Variants in NPAS3 observed in about 807,000 individuals in gnomAD.
The protein encoded by NPAS3 is neuronal PAS domain protein 3, also known as neuronal PAS domain-containing protein 3.
In NPAS3, 14 loss-of-function variants were observed where a neutral mutation model predicts 73.1. The observed-to-expected ratio is 0.19, with a 90% CI of 0.13 to 0.30. NPAS3 has a LOEUF of 0.30. NPAS3 is among the 10% of genes least tolerant of loss of function. The pLI is 1.00. For synonymous variants in NPAS3, 620 were observed against 541.5 expected (o/e 1.14, Z -2.01); for missense variants, 1,096 against 1,250.0 (o/e 0.88, Z 1.86).
chr14:33,372,555 G>A (rs12433353), intron 4 of NPAS3, among the ~76,000 whole-genome samples: 120 of 152,100 alleles, frequency 7.9e-4, no homozygotes, highest in Middle Eastern at 3.4e-3. Context: ...CTCTGGGGCC[G>A]CCATTCACAA....
chr14:33,766,830 A>AC (rs1231831452), intron 7 of NPAS3, among the ~76,000 whole-genome samples: 1 of 151,602 alleles, frequency 6.6e-6, no homozygotes, highest in Non-Finnish European at 1.5e-5. Flanking sequence ...CTGCATTGTC[A>AC]CCCCCTCCCT....
At chr14:33,642,199 A>T (rs1035534863) in intron 5 of NPAS3, among the ~76,000 whole-genome samples, 1 of 152,130 alleles carries the variant, frequency 6.6e-6, no homozygotes, top group East Asian at 1.9e-4. Flanking sequence ...TTCTTTTCAC[A>T]TCATCCTTTT....
chr14:33,324,386 C>G (rs1364869298), intron 3 of NPAS3, among the ~76,000 whole-genome samples: 1 of 152,144 alleles, frequency 6.6e-6, no homozygotes, highest in Non-Finnish European at 1.5e-5. Context: ...ATAGCAATAA[C>G]AAAGTCTTAT....
chr14:33,611,530 A>G (rs977024133), intron 5 of NPAS3, among the ~76,000 whole-genome samples: 1 of 148,720 alleles, frequency 6.7e-6, no homozygotes, highest in African/African-American at 2.5e-5. Flanking sequence ...ATGAAAGGGG[A>G]GTCTTACCTC....
chr14:33,269,368 T>A (rs940062397), intron 3 of NPAS3, among the ~76,000 whole-genome samples: 4 of 152,164 alleles, frequency 2.6e-5, no homozygotes, highest in African/African-American at 9.7e-5. Context: ...TATGTACTTA[T>A]CTTTCCCAAC....
At chr14:33,320,843 T>G (rs1250445446) in intron 3 of NPAS3, among the ~76,000 whole-genome samples, 1 of 152,138 alleles carries the variant, frequency 6.6e-6, no homozygotes, top group African/African-American at 2.4e-5. Flanking sequence ...TAATTCATTG[T>G]TTAGTGGTGG....
At chr14:33,284,629 C>T (rs531026124) in intron 3 of NPAS3, among the ~76,000 whole-genome samples, 1 of 152,006 alleles carries the variant, frequency 6.6e-6, no homozygotes, top group African/African-American at 2.4e-5. Flanking sequence ...GATTTTTTTT[C>T]TCCAAATAAT....
At chr14:33,547,832 G>A (rs2054917605) in intron 4 of NPAS3, among the ~76,000 whole-genome samples, 1 of 152,148 alleles carries the variant, frequency 6.6e-6, no homozygotes, top group South Asian at 2.1e-4. Context: ...TCTAAGTTAG[G>A]TCTAAGCAAC....
At chr14:33,529,022 T>C (rs758319702) in intron 4 of NPAS3, among the ~76,000 whole-genome samples, 8 of 152,078 alleles carry the variant, frequency 5.3e-5, no homozygotes, top group Non-Finnish European at 1.2e-4. Context: ...TCTCCCTCTA[T>C]CCAGTCTCCC....
At chr14:33,686,919 T>C (rs2140388481) in intron 6 of NPAS3, among the ~76,000 whole-genome samples, 1 of 152,326 alleles carries the variant, frequency 6.6e-6, no homozygotes, top group Non-Finnish European at 1.5e-5. Flanking sequence ...CATTTATTTT[T>C]ATAAAAATGT....
intron 4 of NPAS3, among the ~76,000 whole-genome samples, chr14:33,411,375 G>T (rs538311182): frequency 6.6e-6 from 1 of 151,444 alleles, no homozygotes; most frequent in Non-Finnish European, 1.5e-5. Context: ...TAGAGACAGG[G>T]TTTCGCCATG....
intron 1 of NPAS3, among the ~76,000 whole-genome samples, chr14:33,026,133 T>G (rs1268653066): frequency 6.6e-6 from 1 of 152,178 alleles, no homozygotes; most frequent in East Asian, 1.9e-4. Context: ...GAGGCATATG[T>G]CAAATTCAAA....
intron 4 of NPAS3, among the ~76,000 whole-genome samples, chr14:33,432,689 T>C (rs1168638464): frequency 2.0e-5 from 3 of 152,142 alleles, no homozygotes; most frequent in African/African-American, 7.2e-5. Flanking sequence ...CCAAAAGCCA[T>C]TTATGATTGA....
In NPAS3 at chr14:33,403,795, G is replaced by C. The variant is rs2047547227; in HGVS notation, c.468+36527G>C. Among the ~76,000 whole-genome samples, 2 of 151,818 alleles carry C rather than the reference G, an allele frequency of 1.3e-5. 1 individual carries two copies. The highest frequency in any genetic ancestry group is 4.2e-4 in the South Asian group (2 of 4,796). On this transcript the variant is annotated intron_variant, in intron 4 of 11. Transcript: ENST00000356141. ...CGGTAATGGTGGTGGACATCCATGT[G>C]GTCAGTCTGATGCCCTTTCTCTCTC...
At chr14:33,638,090 G>A (rs1242179309) in intron 5 of NPAS3, among the ~76,000 whole-genome samples, 1 of 152,218 alleles carries the variant, frequency 6.6e-6, no homozygotes, top group Non-Finnish European at 1.5e-5. Context: ...CTGATTCTAT[G>A]TTGGTGACAT....
At chr14:33,159,326 T>G (rs1165848571) in intron 2 of NPAS3, among the ~76,000 whole-genome samples, 1 of 152,146 alleles carries the variant, frequency 6.6e-6, no homozygotes, top group Non-Finnish European at 1.5e-5. Flanking sequence ...AAGTTTGCAT[T>G]GGGTTAACAG....
At chr14:33,031,527 A>G (rs1298700152) in intron 1 of NPAS3, among the ~76,000 whole-genome samples, 1 of 152,066 alleles carries the variant, frequency 6.6e-6, no homozygotes, top group Non-Finnish European at 1.5e-5. Context: ...GGGTTTCACT[A>G]TATTACCCAG....
At chr14:33,012,804 C>T (rs2139656086) in intron 1 of NPAS3, among the ~76,000 whole-genome samples, 1 of 152,274 alleles carries the variant, frequency 6.6e-6, no homozygotes, top group African/African-American at 2.4e-5. Context: ...CCCGCTTCTG[C>T]CTCCCAAAGT....
intron 5 of NPAS3, among the ~76,000 whole-genome samples, chr14:33,635,548 GC>G (rs2058491256): frequency 1.3e-5 from 2 of 152,224 alleles, no homozygotes; most frequent in Non-Finnish European, 2.9e-5. Context: ...GGAGGGTCTT[GC>G]TTTGGACAAT....
Sources: allele counts gnomAD v4.1 joint callset (sites outside exome capture counted in the v4.1 genomes callset), GRCh38; gene constraint gnomAD v4.1.1; transcripts MANE v1.5; gene names NCBI Gene and HGNC (gene_info 2026-07-23, HGNC 2026-07-21).